Variants in TMPRSS5 observed in about 807,000 individuals in gnomAD.
TMPRSS5 encodes the protein transmembrane serine protease 5.
A neutral mutation model predicts 59.7 loss-of-function variants in TMPRSS5; 45 were observed. The observed-to-expected ratio is 0.75, with a 90% CI of 0.59 to 0.97. TMPRSS5 has a LOEUF of 0.97. Ranked by LOEUF, TMPRSS5 falls within the 50% of genes least tolerant of loss-of-function variation. TMPRSS5 has a pLI of 0.00. For synonymous variants in TMPRSS5, 225 were observed against 232.0 expected, an observed-to-expected ratio of 0.97 and a Z score of 0.27; for missense variants, 585 against 596.7, an observed-to-expected ratio of 0.98 and a Z score of 0.20.
Position 113,693,251 on chromosome 11 carries a change from T to A in TMPRSS5, c.786-2A>T. 6.4e-7 allele frequency: 1 copy of A among 1,555,142 alleles called. No individual in the cohort carries two copies. The highest frequency in any genetic ancestry group is 1.2e-5 in the South Asian group (1 of 82,036). ...CTGGACAGGCGGGCCAGCCTGAAAC[T>A]GCACACAGGGGCCATGCTGAGCGGG... On this transcript the variant is annotated splice_acceptor_variant, in intron 8 of 12. Transcript: ENST00000299882. LOFTEE classifies it high-confidence loss of function.
intron 4 of TMPRSS5, 27 bp downstream of exon 4, chr11:113,698,878 G>A: frequency 6.4e-7 from 1 of 1,571,142 alleles, no homozygotes; most frequent in South Asian, 1.2e-5. Flanking sequence ...GGGGAGGGAG[G>A]CCCGTAGCCT....
At chr11:113,691,171 C>T (rs886501485) in intron 9 of TMPRSS5, among the ~76,000 whole-genome samples, 13 of 152,114 alleles carry the variant, frequency 8.5e-5, no homozygotes, top group Non-Finnish European at 1.6e-4. Context: ...TGCATGGCGC[C>T]CTCTATGGGT....
At chr11:113,690,806 C>T (rs761160755) in intron 10 of TMPRSS5, 35 bp downstream of exon 10, 61 of 1,536,570 alleles carry the variant, frequency 4.0e-5, no homozygotes, top group Non-Finnish European at 4.6e-5. Context: ...CTCCCACACC[C>T]GCCCCTGCAC....
intron 12 of TMPRSS5, among the ~76,000 whole-genome samples, chr11:113,689,118 G>A (rs1190887322): frequency 6.6e-6 from 1 of 152,176 alleles, no homozygotes; most frequent in Non-Finnish European, 1.5e-5. Flanking sequence ...AGCACTTTGG[G>A]AGGCCAAGGC....
At chr11:113,694,332 T>A (rs1354262764) in intron 8 of TMPRSS5, 146 bp downstream of exon 8, 1 of 674,128 alleles carries the variant, frequency 1.5e-6, no homozygotes, top group African/African-American at 1.8e-5. Flanking sequence ...TGATACTGAA[T>A]GAGAGAACTT....
chr11:113,699,266 TCTCTCC>T lies in TMPRSS5; in HGVS notation c.206-245_206-240del, dbSNP rs1565263764. ...CTCTCTCTCTCTCTCTCTCTCTCTC[TCTCTCC>T]CTCTCTCTCTCTCTCTCTCTGTCTC... On this transcript the variant is annotated intron_variant, in intron 3 of 12. Coordinates refer to ENST00000299882, the MANE Select transcript of TMPRSS5 (RefSeq NM_030770.4). Among the ~76,000 whole-genome samples, 400 of 75,634 alleles carry T rather than the reference TCTCTCC, an allele frequency of 5.3e-3. 48 individuals carry two copies. The highest frequency in any genetic ancestry group is 0.033 in the East Asian group (72 of 2,174). The allele number at this position is 75,634 out of a possible 152,430, so 49.6% of individuals were successfully genotyped here.
intron 4 of TMPRSS5, among the ~76,000 whole-genome samples, chr11:113,698,254 A>C (rs1483005634): frequency 1.8e-5 from 2 of 112,746 alleles, no homozygotes; most frequent in Non-Finnish European, 3.3e-5. Context: ...TGGCAAACCA[A>C]ACAGACTACT....
At chr11:113,696,233 C>T (rs1166692992) in intron 6 of TMPRSS5, among the ~76,000 whole-genome samples, 1 of 152,178 alleles carries the variant, frequency 6.6e-6, no homozygotes, top group Middle Eastern at 3.2e-3. Context: ...GGGGTGCCCA[C>T]CTTTCTATCC....
At chr11:113,698,650 A>G (rs575724900) in intron 4 of TMPRSS5, among the ~76,000 whole-genome samples, 228 of 152,300 alleles carry the variant, frequency 1.5e-3, no homozygotes, top group Non-Finnish European at 1.3e-3. Flanking sequence ...CCAAATGGCA[A>G]GTTTCCATCC....
chr11:113,692,094 G>A (rs969765513), intron 9 of TMPRSS5, among the ~76,000 whole-genome samples: 1 of 151,992 alleles, frequency 6.6e-6, no homozygotes, highest in Admixed American at 6.6e-5. Context: ...CACCATGTTG[G>A]CCAGGCTGGC....
intron 5 of TMPRSS5, 77 bp from the exon 6 acceptor site, chr11:113,697,048 C>A: frequency 8.2e-7 from 1 of 1,224,766 alleles, no homozygotes; most frequent in South Asian, 1.3e-5. Context: ...GTATAGTGAC[C>A]GCAAGACTGT....
intron 1 of TMPRSS5, 25 bp from the exon 2 acceptor site, chr11:113,700,193 C>G: frequency 6.7e-7 from 1 of 1,503,026 alleles, no homozygotes; most frequent in Non-Finnish European, 8.9e-7. Context: ...GCCAGACACC[C>G]AGGATCCCCA....
intron 9 of TMPRSS5, among the ~76,000 whole-genome samples, chr11:113,692,076 C>T (rs113871031): frequency 1.3e-5 from 2 of 151,918 alleles, no homozygotes; most frequent in African/African-American, 4.8e-5. Flanking sequence ...TTAGTAGAGA[C>T]GGGGTTTCAC....
Position 113,691,892 on chromosome 11 carries a change from C to CTTTTTTT in TMPRSS5, c.965-960_965-954dup, listed in dbSNP as rs58784708. Among the ~76,000 whole-genome samples, 1,122 of 121,034 alleles carry CTTTTTTT rather than the reference C, an allele frequency of 9.3e-3. 119 individuals carry two copies. Among genetic ancestry groups the CTTTTTTT allele is most frequent in the African/African-American group, 0.028 (772 of 27,456 alleles). 79.4% of individuals were successfully genotyped at this position (121,034 alleles called of 152,430 possible). A position where few individuals can be genotyped will look rare whatever the true frequency, so the allele number is the denominator to read the frequency against. On this transcript the variant is annotated intron_variant, in intron 9 of 12. Transcript: ENST00000299882. The stretch of plus-strand genomic sequence containing the variant: ...AGAAAGTTTTCTTTTCCTTTTTTTT[C>CTTTTTTT]TTTTTTTTTTTTTGAGACGGAGTCT...
At position 113,690,929 on chromosome 11, in the gene TMPRSS5, G is replaced by A. The variant is rs746245364; in HGVS notation, c.975C>T (p.Gly325=). ...QTALNFSDTV[G]AVCLPAKEQH... is the part of the protein sequence containing the mutation. ...GTTCCTTGGCCGGCAGGCACACAGC[G>A]CCCACAGTGTCTGTAGAGAGGCACA... The change falls in exon 10 of 13, where the codon GGC becomes GGT. Residue 325 remains glycine (G), a synonymous_variant. Transcript: ENST00000299882. 7.6e-6 allele frequency: 12 copies of A among 1,586,912 alleles called. No homozygotes were observed. Among genetic ancestry groups the A allele is most frequent in the East Asian group, 2.3e-5 (1 of 43,458 alleles).
chr11:113,696,342 G>T (rs967882077), intron 6 of TMPRSS5, among the ~76,000 whole-genome samples: 2 of 152,194 alleles, frequency 1.3e-5, no homozygotes, highest in Admixed American at 1.3e-4. Flanking sequence ...ATCTGGGGAA[G>T]GGGCTGCTCC....
rs147934248 is a variant in TMPRSS5 at position 113,703,573 on chromosome 11, T to C, written c.3+2649A>G. 1.1e-3 allele frequency among the ~76,000 whole-genome samples: 171 copies of C among 152,358 alleles called. 1 individual carries two copies. The highest frequency in any genetic ancestry group is 3.7e-3 in the African/African-American group (154 of 41,588). On this transcript the variant is annotated intron_variant, in intron 1 of 12. Coordinates refer to ENST00000299882, the MANE Select transcript of TMPRSS5 (RefSeq NM_030770.4). The stretch of plus-strand genomic sequence containing the variant: ...AGATTTGGAAGGGACCAGGATAGAA[T>C]GATATGATTTGGCTCTCCCCTCACC...
Position 113,693,093 on chromosome 11 carries a change from G to A in TMPRSS5, c.942C>T (p.Leu314=). 1 of 1,578,792 alleles carries A rather than the reference G, an allele frequency of 6.3e-7. No homozygotes were observed. Among genetic ancestry groups the A allele is most frequent in the Non-Finnish European group, 8.6e-7 (1 of 1,161,786 alleles). ...NHDYDVALLR[L]QTALNFSDTV... ...CACCTGAGAAGTTGAGAGCGGTCTG[G>A]AGCCTCAGGAGGGCGACGTCGTAGT... The change falls in exon 9 of 13, where the codon CTC becomes CTT. Residue 314 remains leucine, a synonymous_variant. Coordinates refer to ENST00000299882, the MANE Select transcript of TMPRSS5 (RefSeq NM_030770.4).
rs1213948529 is a variant in TMPRSS5 at position 113,689,933 on chromosome 11, A to G, written c.1207-16T>C. ...CGCTATCTCCCTAAGGGATCCAGGC[A>G]TGGAGACACAGAGAAACAGCCAGTT... On this transcript the variant is annotated splice_polypyrimidine_tract_variant and intron_variant, in intron 11 of 12. Transcript: ENST00000299882. The G allele has an allele frequency of 6.5e-7, 1 of 1,529,484 alleles. No individual in the cohort carries two copies. Among genetic ancestry groups the G allele is most frequent in the Non-Finnish European group, 8.8e-7 (1 of 1,134,098 alleles). The allele number at this position is 1,529,484 out of a possible 1,614,324, so 94.7% of individuals were successfully genotyped here. A position where few individuals can be genotyped will look rare whatever the true frequency, so the allele number is the denominator to read the frequency against.
Sources: gnomAD v4.1 joint callset for allele counts (sites outside exome capture counted in the v4.1 genomes callset) on GRCh38, gnomAD v4.1.1 for gene constraint, MANE v1.5 for transcripts, NCBI Gene and HGNC (gene_info 2026-07-23, HGNC 2026-07-21) for gene names.